Variants in DYRK4 observed in about 807,000 individuals in gnomAD.
The protein encoded by DYRK4 is dual specificity tyrosine phosphorylation regulated kinase 4.
DYRK4 carries 64 observed loss-of-function variants against 68.3 expected under a neutral mutation model. The observed-to-expected ratio is 0.94, with a 90% CI of 0.77 to 1.15. The LOEUF (loss-of-function observed/expected upper bound fraction) is 1.15. Among genes scored for constraint, DYRK4 ranks in the 50% most tolerant of loss-of-function variants. DYRK4 has a pLI of 0.00. For missense variants in DYRK4, 740 were observed against 764.7 expected (o/e 0.97, Z 0.38); for synonymous variants, 274 against 289.9 (o/e 0.95, Z 0.56).
intron 10 of DYRK4, among the ~76,000 whole-genome samples, chr12:4,604,587 T>C (rs569995223): frequency 2.1e-4 from 32 of 152,238 alleles, no homozygotes; most frequent in Non-Finnish European, 3.8e-4. Flanking sequence ...CCCAAATCAA[T>C]CTGACAGTTT....
rs1339136212 is a variant in DYRK4, at chr12:4,582,455, AATGAG to A, written c.133-6477_133-6473del. ...CTCCATCTCAAATAAAATGAAATGA[AATGAG>A]ATGAAATGAAATAAAATAAAATAAA... On this transcript the variant is annotated intron_variant, in intron 2 of 14. Transcript: ENST00000543431. 1.5e-3 allele frequency among the ~76,000 whole-genome samples: 236 copies of A among 152,330 alleles called. 1 individual carries two copies. The highest frequency in any genetic ancestry group is 5.4e-3 in the African/African-American group (223 of 41,568).
At chr12:4,590,585 A>G (rs1403058343) in intron 4 of DYRK4, 145 bp downstream of exon 4, 1 of 1,402,422 alleles carries the variant, frequency 7.1e-7, no homozygotes, top group Non-Finnish European at 9.2e-7. Flanking sequence ...CATTCTTTAC[A>G]ATGACTATAA....
chr12:4,596,315 AG>A (rs1165522149), intron 7 of DYRK4, 30 bp downstream of exon 7: 6 of 1,613,448 alleles, frequency 3.7e-6, no homozygotes, highest in African/African-American at 1.3e-5. Context: ...TAGGCCACAG[AG>A]GAGGGACTGC....
At chr12:4,598,931 A>G (rs1214093723) in intron 8 of DYRK4, 97 bp from the exon 9 acceptor site, 1 of 1,419,040 alleles carries the variant, frequency 7.0e-7, no homozygotes. Flanking sequence ...GCCTGCTACT[A>G]GACGGAAACC....
chr12:4,572,345 G>C (rs1388594787), intron 2 of DYRK4, among the ~76,000 whole-genome samples: 1 of 152,060 alleles, frequency 6.6e-6, no homozygotes, highest in African/African-American at 2.4e-5. Context: ...GCAGTGGCGC[G>C]ATCTTGGCTC....
intron 1 of DYRK4, 90 bp downstream of exon 1, chr12:4,562,373 G>C: frequency 1.4e-6 from 2 of 1,455,346 alleles, no homozygotes; most frequent in South Asian, 2.7e-5. Flanking sequence ...GTCGTGGGGG[G>C]AGAATGAAAA....
intron 2 of DYRK4, among the ~76,000 whole-genome samples, chr12:4,581,655 A>G (rs1425845924): frequency 1.3e-5 from 2 of 152,190 alleles, no homozygotes; most frequent in Non-Finnish European, 2.9e-5. Flanking sequence ...GGAAGGACTG[A>G]AGTCAAAGCT....
In DYRK4 at chr12:4,580,474, G is replaced by C. The variant is rs753923315; in HGVS notation, c.133-8463G>C. Among the ~76,000 whole-genome samples, 2 of 152,216 alleles carry C rather than the reference G, an allele frequency of 1.3e-5. 1 individual carries two copies. Among genetic ancestry groups the C allele is most frequent in the South Asian group, 4.1e-4 (2 of 4,838 alleles). On this transcript the variant is annotated intron_variant, in intron 2 of 14. Coordinates refer to ENST00000543431, the MANE Select transcript of DYRK4 (RefSeq NM_001394779.1). Reference sequence around the variant, plus strand: ...CAAATGGCAGTGGGAGAGATGCTGTGATTTGTTCAAGGTCTGTAGCAGCCA... The same window carrying C: ...CAAATGGCAGTGGGAGAGATGCTGTCATTTGTTCAAGGTCTGTAGCAGCCA...
chr12:4,596,671 C>A lies in DYRK4; in HGVS notation c.847C>A (p.His283Asn). 6.2e-7 allele frequency: 1 copy of A among 1,614,230 alleles called. No individual in the cohort carries two copies. Among genetic ancestry groups the A allele is most frequent in the Non-Finnish European group, 8.5e-7 (1 of 1,180,044 alleles). ...CAAAGACAACACCTACAATGTGGTG[C>A]ATATGAAGGACTTTTTCTACTTTCG... ...KDKDNTYNVV[H>N]MKDFFYFRNH... Residue 283 changes from histidine to asparagine, a missense_variant, in exon 8 of 15, where the codon CAT (histidine) becomes AAT (asparagine). His to Asn is a moderately conservative substitution (Grantham distance 68). This residue lies in a region of DYRK4 where 614 missense variants were observed against 603.7 expected (regional missense o/e 1.02). Coordinates refer to ENST00000543431, the MANE Select transcript of DYRK4 (RefSeq NM_001394779.1).
intron 2 of DYRK4, among the ~76,000 whole-genome samples, chr12:4,576,451 T>C (rs749060005): frequency 1.3e-5 from 2 of 152,252 alleles, no homozygotes; most frequent in African/African-American, 2.4e-5. Context: ...TTTTTAGCAG[T>C]TATAAATAAA....
chr12:4,577,770 A>G (rs1047193562), intron 2 of DYRK4, among the ~76,000 whole-genome samples: 3 of 152,232 alleles, frequency 2.0e-5, no homozygotes, highest in Non-Finnish European at 4.4e-5. Context: ...CATGGAAAAT[A>G]TCTCAATTTA....
intron 10 of DYRK4, 88 bp downstream of exon 10, chr12:4,599,876 G>A (rs149554460): frequency 8.6e-5 from 96 of 1,119,352 alleles, no homozygotes; most frequent in African/African-American, 6.5e-4. Context: ...TCTAGGCTGC[G>A]CTCAGCTGTC....
At chr12:4,595,822 C>CA (rs1945011106) in intron 6 of DYRK4, among the ~76,000 whole-genome samples, 1 of 152,132 alleles carries the variant, frequency 6.6e-6, no homozygotes, top group East Asian at 1.9e-4. Context: ...CTAAAACATG[C>CA]AGAAAACTAG....
intron 2 of DYRK4, among the ~76,000 whole-genome samples, chr12:4,584,354 C>T (rs187869050): frequency 8.5e-4 from 129 of 152,288 alleles, no homozygotes; most frequent in Non-Finnish European, 1.6e-3. Context: ...TTCTGTGCAT[C>T]CTTCCGGCTT....
In DYRK4 at chr12:4,613,849, CA is replaced by C. The variant is rs1945259317; in HGVS notation, c.*97del. 7.4e-7 allele frequency: 1 copy of C among 1,349,920 alleles called. No homozygotes were observed. Among genetic ancestry groups the C allele is most frequent in the Non-Finnish European group, 9.7e-7 (1 of 1,035,968 alleles). The allele number at this position is 1,349,920 out of a possible 1,614,324, so 83.6% of individuals were successfully genotyped here. A position where few individuals can be genotyped will look rare whatever the true frequency, so the allele number is the denominator to read the frequency against. On this transcript the variant is annotated 3_prime_UTR_variant, in exon 15 of 15. Coordinates refer to ENST00000543431, the MANE Select transcript of DYRK4 (RefSeq NM_001394779.1). The surrounding 1 kb of genome is among the most constrained non-coding windows in gnomAD (Gnocchi z 4.0). ...TACTTCAGACTGTTTTTTTTAAATA[CA>C]TAAAACTTTATGTTAAAAAACTCTA...
intron 9 of DYRK4, among the ~76,000 whole-genome samples, 195 bp downstream of exon 9, chr12:4,599,361 A>G (rs751674730): frequency 2.6e-5 from 4 of 151,092 alleles, no homozygotes; most frequent in Non-Finnish European, 5.9e-5. Flanking sequence ...AATTCAGTCA[A>G]TGGCATTTCT....
chr12:4,585,176 G>A (rs150483969), intron 2 of DYRK4, among the ~76,000 whole-genome samples: 161 of 152,272 alleles, frequency 1.1e-3, no homozygotes, highest in Non-Finnish European at 2.0e-3. Context: ...GTGGGCCTAC[G>A]TGTGAATCTT....
At position 4,596,412 on chromosome 12, in the gene DYRK4, T is replaced by C. The variant is rs1945018501; in HGVS notation, c.764+127T>C. 2.6e-6 allele frequency: 4 copies of C among 1,528,440 alleles called. No individual in the cohort carries two copies. In the South Asian group the frequency reaches 3.9e-5, roughly 15 times the overall value. The allele number at this position is 1,528,440 out of a possible 1,614,324, so 94.7% of individuals were successfully genotyped here. On this transcript the variant is annotated intron_variant, in intron 7 of 14. Coordinates refer to ENST00000543431, the MANE Select transcript of DYRK4 (RefSeq NM_001394779.1). The stretch of plus-strand genomic sequence containing the variant: ...CCTTTTGTCTTCCCTTTTCTCTTTC[T>C]ACCCGTCTGATTCCATGAGGGGGCA...
chr12:4,602,592 A>C, intron 10 of DYRK4: 1 of 1,323,446 alleles, frequency 7.6e-7, no homozygotes, highest in East Asian at 2.3e-5. Context: ...TGACAACATC[A>C]ATCTTTGCTG....
Sources: allele counts gnomAD v4.1 joint callset (sites outside exome capture counted in the v4.1 genomes callset), GRCh38; gene constraint gnomAD v4.1.1; regional missense constraint gnomAD v4.1.1; non-coding constraint Gnocchi (gnomAD v3.1); transcripts MANE v1.5; gene names NCBI Gene and HGNC (gene_info 2026-07-23, HGNC 2026-07-21).